KCNG2: variants seen among roughly 807,000 people sequenced by gnomAD.
KCNG2 encodes potassium voltage-gated channel modifier subfamily G member 2.
KCNG2 carries 7 observed loss-of-function variants against 12.3 expected under a neutral mutation model. The observed-to-expected ratio is 0.57, with a 90% CI of 0.32 to 1.07. The LOEUF (loss-of-function observed/expected upper bound fraction) is 1.07, where lower values mean the gene tolerates loss of function less well. Among genes scored for constraint, KCNG2 ranks in the 50% least tolerant of loss-of-function variants. The pLI is 0.04. For synonymous variants in KCNG2, 414 were observed against 351.4 expected (o/e 1.18, Z -1.99); for missense variants, 703 against 726.0 (o/e 0.97, Z 0.36).
At chr18:79,864,356 G>A in intron 3 of KCNG2, 65 bp downstream of exon 3, 1 of 1,224,074 alleles carries the variant, frequency 8.2e-7, no homozygotes, top group Non-Finnish European at 1.0e-6. Context: ...TCTGGGCTGC[G>A]GGGAGGTGGG....
At chr18:79,858,604 A>G (rs1355183776) in intron 2 of KCNG2, among the ~76,000 whole-genome samples, 7 of 152,070 alleles carry the variant, frequency 4.6e-5, no homozygotes, top group Non-Finnish European at 8.8e-5. Flanking sequence ...TCACCGGGTC[A>G]CATGAGAACT....
chr18:79,892,302 CTAA>C lies in KCNG2; in HGVS notation c.625-6732_625-6730del, dbSNP rs539023532. ...ACCTGTTGATCATTACATATTATCT[CTAA>C]TAATATTTTTTGTTTTAACGTCTAC... On this transcript the variant is annotated intron_variant, in intron 3 of 3. Transcript: ENST00000316249. 3.2e-4 allele frequency among the ~76,000 whole-genome samples: 49 copies of C among 152,312 alleles called. 2 individuals carry two copies. In the South Asian group the frequency reaches 9.1e-3, roughly 28 times the overall value.
chr18:79,826,579 G>C (rs571623897), intron 1 of KCNG2, among the ~76,000 whole-genome samples: 1 of 147,104 alleles, frequency 6.8e-6, no homozygotes, highest in East Asian at 2.0e-4. Context: ...GGTTAAGTTC[G>C]GCGCGTTACG....
At chr18:79,799,109 G>A (rs541460863) in intron 1 of KCNG2, among the ~76,000 whole-genome samples, 1 of 152,324 alleles carries the variant, frequency 6.6e-6, no homozygotes, top group Non-Finnish European at 1.5e-5. Context: ...TGGCTTCCGC[G>A]TGCGCTCAAA....
At chr18:79,875,190 G>T (rs1227982752) in intron 3 of KCNG2, among the ~76,000 whole-genome samples, 2 of 152,202 alleles carry the variant, frequency 1.3e-5, no homozygotes, top group East Asian at 3.9e-4. Flanking sequence ...GACTGGCCAT[G>T]AGGAGATTGC....
At chr18:79,819,150 A>G (rs2087552318) in intron 1 of KCNG2, among the ~76,000 whole-genome samples, 1 of 152,232 alleles carries the variant, frequency 6.6e-6, no homozygotes, top group South Asian at 2.1e-4. Flanking sequence ...CTATGGGGTG[A>G]TAGGACCCCT....
chr18:79,834,394 C>A (rs1050756359), intron 1 of KCNG2, among the ~76,000 whole-genome samples: 14 of 152,226 alleles, frequency 9.2e-5, no homozygotes, highest in African/African-American at 3.4e-4. Context: ...TTCTGACACA[C>A]ACCCATCCAT....
intron 1 of KCNG2, among the ~76,000 whole-genome samples, chr18:79,808,965 T>C (rs867294128): frequency 1.4e-4 from 1 of 7,116 alleles, no homozygotes; most frequent in Non-Finnish European, 2.4e-4. Flanking sequence ...GAGTCCGCGC[T>C]CTGAGGAGCT....
At chr18:79,849,737 G>A (rs950817600) in intron 1 of KCNG2, among the ~76,000 whole-genome samples, 1 of 152,376 alleles carries the variant, frequency 6.6e-6, no homozygotes, top group Middle Eastern at 3.4e-3. Flanking sequence ...GCGTGGCTGG[G>A]GGCTGATGCT....
chr18:79,801,701 G>A (rs1384631916), intron 1 of KCNG2, among the ~76,000 whole-genome samples: 1 of 152,272 alleles, frequency 6.6e-6, no homozygotes, highest in Admixed American at 6.5e-5. Context: ...TGTGGCAGCA[G>A]TTTTTACTAA....
chr18:79,847,491 C>G (rs139738914), intron 1 of KCNG2, among the ~76,000 whole-genome samples: 4 of 152,210 alleles, frequency 2.6e-5, no homozygotes, highest in African/African-American at 9.6e-5. Flanking sequence ...CCCGGCAGTG[C>G]GGACCACGCT....
chr18:79,863,929 G>C lies in KCNG2; in HGVS notation c.262G>C (p.Gly88Arg), dbSNP rs1599403788. The change falls in exon 3 of 4, where the codon GGG (glycine) becomes CGG (arginine). Residue 88 changes from glycine (G) to arginine (R), a missense_variant. Gly to Arg is a moderately radical substitution (Grantham distance 125). Coordinates refer to ENST00000316249, the MANE Select transcript of KCNG2 (RefSeq NM_012283.2). ...CGCCATCGTGGCGCTTTTGCGCGCA[G>C]GGAAGCTGCGACTGCTGCGGGGCCC... ...FRAIVALLRA[G>R]KLRLLRGPCA... is the part of the protein sequence containing the mutation. 7.3e-7 allele frequency: 1 copy of C among 1,368,786 alleles called. No homozygotes were observed. The highest frequency in any genetic ancestry group is 9.5e-7 in the Non-Finnish European group (1 of 1,055,880). 84.8% of individuals were successfully genotyped at this position (1,368,786 alleles called of 1,614,324 possible). A position where few individuals can be genotyped will look rare whatever the true frequency, so the allele number is the denominator to read the frequency against.
At chr18:79,856,155 G>C (rs549487635) in intron 1 of KCNG2, among the ~76,000 whole-genome samples, 28 of 152,176 alleles carry the variant, frequency 1.8e-4, no homozygotes, top group Non-Finnish European at 4.0e-4. Flanking sequence ...AAAAGTTCCA[G>C]GTTATACCTG....
At chr18:79,892,236 T>C (rs1029851573) in intron 3 of KCNG2, among the ~76,000 whole-genome samples, 2 of 152,256 alleles carry the variant, frequency 1.3e-5, no homozygotes, top group Non-Finnish European at 2.9e-5. Flanking sequence ...GCTGTATTAT[T>C]GGTGCATACA....
Position 79,899,727 on chromosome 18 carries a change from A to G in KCNG2, c.1312A>G (p.Thr438Ala). 6.2e-7 allele frequency: 1 copy of G among 1,600,872 alleles called. No individual in the cohort carries two copies. Among genetic ancestry groups the G allele is most frequent in the Non-Finnish European group, 8.5e-7 (1 of 1,176,610 alleles). The change falls in exon 4 of 4, where the codon ACA becomes GCA. Residue 438 changes from threonine (T) to alanine (A), a missense_variant. Thr to Ala is a moderately conservative substitution (Grantham distance 58, BLOSUM62 0). Transcript: ENST00000316249. ...GCAGGAGGACAGCACGCACTCGGCC[A>G]CAGCCACCGAGGACAGCTCGCAGGG... ...ALQEDSTHSA[T>A]ATEDSSQGPD...
intron 1 of KCNG2, among the ~76,000 whole-genome samples, chr18:79,807,031 C>A (rs903888211): frequency 6.6e-6 from 1 of 152,148 alleles, no homozygotes; most frequent in African/African-American, 2.4e-5. Flanking sequence ...TAGCCTGAAG[C>A]CTTGGGCTGC....
chr18:79,880,104 G>C (rs1177646391), intron 3 of KCNG2, among the ~76,000 whole-genome samples: 3 of 152,154 alleles, frequency 2.0e-5, no homozygotes, highest in African/African-American at 7.2e-5. Flanking sequence ...GCAGAAAAGA[G>C]GTTACAGTTA....
At chr18:79,883,281 C>G (rs1228117152) in intron 3 of KCNG2, among the ~76,000 whole-genome samples, 1 of 148,184 alleles carries the variant, frequency 6.7e-6, no homozygotes, top group Non-Finnish European at 1.5e-5. Flanking sequence ...CAGGGAACGG[C>G]GGGGGGAAGC....
intron 1 of KCNG2, among the ~76,000 whole-genome samples, chr18:79,825,098 A>T (rs934921342): frequency 1.3e-5 from 2 of 150,320 alleles, no homozygotes; most frequent in Non-Finnish European, 3.0e-5. Flanking sequence ...GTGCTTTGAT[A>T]GGACAGTCAG....
Sources: gnomAD v4.1 joint callset for allele counts (sites outside exome capture counted in the v4.1 genomes callset) on GRCh38, gnomAD v4.1.1 for gene constraint, MANE v1.5 for transcripts, NCBI Gene and HGNC (gene_info 2026-07-23, HGNC 2026-07-21) for gene names.